Variants in NEK1 observed in about 807,000 individuals in gnomAD.
NEK1 encodes serine/threonine-protein kinase Nek1.
In NEK1, 137 loss-of-function variants were observed where a neutral mutation model predicts 182.1. The observed-to-expected ratio is 0.75, with a 90% CI of 0.65 to 0.87. The LOEUF is 0.87. Ranked by LOEUF, NEK1 falls within the 40% of genes least tolerant of loss-of-function variation. NEK1 has a pLI of 0.00. For synonymous variants in NEK1, 513 were observed against 492.2 expected, an observed-to-expected ratio of 1.04 and a Z score of -0.56; for missense variants, 1,391 against 1,494.4, an observed-to-expected ratio of 0.93 and a Z score of 1.14.
In NEK1 at chr4:169,433,541, A is replaced by C. The variant is rs1737819212; in HGVS notation, c.2885+4T>G. 5 of 1,607,000 alleles carry C rather than the reference A, an allele frequency of 3.1e-6. No individual in the cohort carries two copies. The highest frequency in any genetic ancestry group is 4.2e-6 in the Non-Finnish European group (5 of 1,178,034). ...TTTAAAATGTCAGGAAAAGATGTAC[A>C]TACTGAGTTTCCTTTGTTTCTTTTT... is the stretch of plus-strand genomic sequence containing the variant. On this transcript the variant is annotated splice_donor_region_variant and intron_variant, in intron 29 of 35. Coordinates refer to ENST00000507142, the MANE Select transcript of NEK1 (RefSeq NM_001199397.3).
chr4:169,523,602 TG>T (rs1227128773), intron 19 of NEK1, among the ~76,000 whole-genome samples: 1 of 152,220 alleles, frequency 6.6e-6, no homozygotes. Context: ...CTTCTTGCCC[TG>T]AAAACTCTGA....
chr4:169,405,306 G>A (rs1732404387), intron 32 of NEK1, among the ~76,000 whole-genome samples: 1 of 152,114 alleles, frequency 6.6e-6, no homozygotes. Context: ...GGAAGCAACT[G>A]TAACACAATG....
At chr4:169,508,878 T>G in intron 19 of NEK1, 26 bp from the exon 20 acceptor site, 1 of 1,534,984 alleles carries the variant, frequency 6.5e-7, no homozygotes, top group Non-Finnish European at 8.8e-7. Context: ...TGTACTAAGT[T>G]TAAAGAATGA....
At chr4:169,571,184 AAAT>A (rs1764774003) in intron 12 of NEK1, among the ~76,000 whole-genome samples, 10 of 79,400 alleles carry the variant, frequency 1.3e-4, no homozygotes, top group African/African-American at 5.4e-4. Flanking sequence ...ATAAAAAAAT[AAAT>A]AAATAAATAA....
chr4:169,490,535 G>A (rs1261775507), intron 23 of NEK1, among the ~76,000 whole-genome samples: 3 of 152,068 alleles, frequency 2.0e-5, no homozygotes, highest in Non-Finnish European at 2.9e-5. Context: ...TGATCTTACG[G>A]AAACTCAGGG....
chr4:169,401,063 A>G lies in NEK1; in HGVS notation c.3584-412T>C, dbSNP rs57221169. ...AGGTAGACAACCTAAGACATACATCATTACATTTCAGGAAAGCACCTAGAA... is the reference window on the plus strand; with the variant it reads ...AGGTAGACAACCTAAGACATACATCGTTACATTTCAGGAAAGCACCTAGAA... On this transcript the variant is annotated intron_variant, in intron 33 of 35. Coordinates refer to ENST00000507142, the MANE Select transcript of NEK1 (RefSeq NM_001199397.3). Among the ~76,000 whole-genome samples, 5 of 152,304 alleles carry G rather than the reference A, an allele frequency of 3.3e-5. No individual in the cohort carries two copies. In the East Asian group the frequency reaches 9.6e-4, roughly 29 times the overall value.
At chr4:169,399,640 G>C (rs1375118480) in intron 35 of NEK1, among the ~76,000 whole-genome samples, 1 of 151,520 alleles carries the variant, frequency 6.6e-6, no homozygotes, top group Non-Finnish European at 1.5e-5. Context: ...TTACTTTTTT[G>C]AGACAGGGTC....
At chr4:169,401,604 A>C (rs1279100133) in intron 33 of NEK1, 48 bp downstream of exon 33, 1 of 1,537,062 alleles carries the variant, frequency 6.5e-7, no homozygotes, top group East Asian at 2.3e-5. Context: ...TCTACTTGAA[A>C]TATTTGTAAA....
chr4:169,562,355 G>C (rs1454506163), intron 12 of NEK1, among the ~76,000 whole-genome samples, 159 bp from the exon 13 acceptor site: 3 of 151,674 alleles, frequency 2.0e-5, no homozygotes, highest in Admixed American at 2.0e-4. Context: ...CGTAGTCTTT[G>C]ATATGCTGTT....
At chr4:169,436,828 A>T (rs942889363) in intron 28 of NEK1, among the ~76,000 whole-genome samples, 5 of 152,268 alleles carry the variant, frequency 3.3e-5, no homozygotes, top group African/African-American at 7.2e-5. Context: ...TGATAGAGAA[A>T]GAATTTCTAA....
At chr4:169,522,214 T>C (rs1756186464) in intron 19 of NEK1, among the ~76,000 whole-genome samples, 1 of 152,254 alleles carries the variant, frequency 6.6e-6, no homozygotes, top group Non-Finnish European at 1.5e-5. Context: ...ATAATTTCCA[T>C]TTAATTCTTC....
intron 26 of NEK1, among the ~76,000 whole-genome samples, chr4:169,465,921 A>G (rs1180832117): frequency 2.0e-5 from 3 of 152,152 alleles, no homozygotes; most frequent in Admixed American, 2.0e-4. Context: ...CATAGCACAA[A>G]TATTAAAATT....
intron 19 of NEK1, among the ~76,000 whole-genome samples, chr4:169,533,440 G>C (rs1355128847): frequency 1.3e-5 from 2 of 152,194 alleles, no homozygotes; most frequent in Admixed American, 1.3e-4. Flanking sequence ...CATTTGAGGA[G>C]TACCAACACT....
chr4:169,607,486 A>G (rs1202043430), intron 2 of NEK1, among the ~76,000 whole-genome samples: 4 of 152,142 alleles, frequency 2.6e-5, no homozygotes, highest in Admixed American at 1.3e-4. Context: ...TTTTTGAGAC[A>G]GAGTCTCGCA....
intron 12 of NEK1, among the ~76,000 whole-genome samples, chr4:169,572,190 A>G (rs958473894): frequency 6.6e-6 from 1 of 152,196 alleles, no homozygotes; most frequent in Non-Finnish European, 1.5e-5. Context: ...CAGTTAGACT[A>G]ATCATGAGAT....
chr4:169,499,403 G>A (rs1281395765), intron 23 of NEK1, among the ~76,000 whole-genome samples: 6 of 152,234 alleles, frequency 3.9e-5, no homozygotes, highest in African/African-American at 7.2e-5. Context: ...CTCTCAACTC[G>A]TCAAAGTCAT....
intron 34 of NEK1, 49 bp downstream of exon 34, chr4:169,400,472 A>G (rs1731465270): frequency 6.5e-7 from 1 of 1,541,864 alleles, no homozygotes; most frequent in Non-Finnish European, 8.7e-7. Flanking sequence ...CATTTCTTCA[A>G]CCTTCAAACA....
chr4:169,495,003 T>G (rs1158868952), intron 23 of NEK1, among the ~76,000 whole-genome samples: 1 of 152,208 alleles, frequency 6.6e-6, no homozygotes, highest in Non-Finnish European at 1.5e-5. Context: ...CTTTGTCAGA[T>G]GAGTAGGTTG....
intron 23 of NEK1, among the ~76,000 whole-genome samples, chr4:169,492,612 T>G (rs540752448): frequency 1.3e-5 from 2 of 152,302 alleles, no homozygotes; most frequent in South Asian, 2.1e-4. Flanking sequence ...CACCCACCTC[T>G]GATCCAAACT....
Sources: allele counts gnomAD v4.1 joint callset (sites outside exome capture counted in the v4.1 genomes callset), GRCh38; gene constraint gnomAD v4.1.1; transcripts MANE v1.5; gene names NCBI Gene and HGNC (gene_info 2026-07-23, HGNC 2026-07-21).